XKR4: variants seen among roughly 807,000 people sequenced by gnomAD.
XKR4 encodes the protein XK related 4, also known as XK-related protein 4.
Under a neutral mutation model 53.9 loss-of-function variants are expected in XKR4, and 12 were observed. The observed-to-expected ratio is 0.22, with a 90% CI of 0.14 to 0.36. The LOEUF (loss-of-function observed/expected upper bound fraction) is 0.36, where lower values mean the gene tolerates loss of function less well. XKR4 is among the 10% of genes least tolerant of loss of function. The pLI, the probability that XKR4 is intolerant of heterozygous loss-of-function variation, is 1.00. For missense variants in XKR4, 799 were observed against 859.5 expected (o/e 0.93, Z 0.88); for synonymous variants, 354 against 362.4 (o/e 0.98, Z 0.26).
At chr8:55,360,648 T>C (rs1309059724) in intron 2 of XKR4, among the ~76,000 whole-genome samples, 1 of 152,242 alleles carries the variant, frequency 6.6e-6, no homozygotes, top group South Asian at 2.1e-4. Flanking sequence ...GGTCACTCTG[T>C]ATGTGACTGT....
intron 1 of XKR4, chr8:55,161,458 C>T (rs1816983318): frequency 2.3e-6 from 1 of 443,678 alleles, no homozygotes; most frequent in South Asian, 1.6e-5. Flanking sequence ...AGTCTTTGAG[C>T]ACCTGCTGGG....
At chr8:55,297,970 C>T (rs760520904) in intron 1 of XKR4, among the ~76,000 whole-genome samples, 2 of 152,106 alleles carry the variant, frequency 1.3e-5, no homozygotes, top group African/African-American at 4.8e-5. Flanking sequence ...TTTCATCATC[C>T]AATTATAATA....
At chr8:55,109,590 A>G (rs766559270) in intron 1 of XKR4, among the ~76,000 whole-genome samples, 6 of 140,444 alleles carry the variant, frequency 4.3e-5, no homozygotes, top group Non-Finnish European at 7.6e-5. Flanking sequence ...GGAATAATTT[A>G]TGTATAAATC....
chr8:55,306,052 A>G (rs1012596031), intron 1 of XKR4, among the ~76,000 whole-genome samples: 2 of 152,224 alleles, frequency 1.3e-5, no homozygotes, highest in Non-Finnish European at 1.5e-5. Context: ...TAAGATTTAG[A>G]TGATGCTTGG....
intron 1 of XKR4, among the ~76,000 whole-genome samples, chr8:55,181,220 C>T (rs1817306127): frequency 6.6e-6 from 1 of 152,140 alleles, no homozygotes; most frequent in African/African-American, 2.4e-5. Context: ...TCCAGCTCAT[C>T]CTTTGTGAGA....
At chr8:55,500,181 C>CAAAAAAA (rs36233927) in intron 2 of XKR4, among the ~76,000 whole-genome samples, 32 of 115,582 alleles carry the variant, frequency 2.8e-4, no homozygotes, top group African/African-American at 1.2e-3. Flanking sequence ...CAAATTGGGC[C>CAAAAAAA]AAAAAAAAAA....
At chr8:55,380,126 T>C (rs1221025061) in intron 2 of XKR4, among the ~76,000 whole-genome samples, 1 of 152,228 alleles carries the variant, frequency 6.6e-6, no homozygotes, top group Non-Finnish European at 1.5e-5. Context: ...AATGCTCCAT[T>C]GGTTCTGATG....
At chr8:55,494,671 G>A (rs78403389) in intron 2 of XKR4, among the ~76,000 whole-genome samples, 1,783 of 152,192 alleles carry the variant, frequency 0.012, 30 homozygotes, top group African/African-American at 0.041. Context: ...TCCTATCATC[G>A]TTTCAGTTCT....
At chr8:55,281,223 A>T (rs1818841165) in intron 1 of XKR4, among the ~76,000 whole-genome samples, 1 of 152,232 alleles carries the variant, frequency 6.6e-6, no homozygotes, top group Non-Finnish European at 1.5e-5. Flanking sequence ...ACGTATTTTA[A>T]ATAAATTACT....
At chr8:55,449,192 A>T (rs748978800) in intron 2 of XKR4, among the ~76,000 whole-genome samples, 2 of 145,220 alleles carry the variant, frequency 1.4e-5, no homozygotes, top group Admixed American at 7.2e-5. Flanking sequence ...TTTATTTTGC[A>T]TTCATTCTCT....
At chr8:55,479,210 C>T (rs987815340) in intron 2 of XKR4, among the ~76,000 whole-genome samples, 1 of 152,084 alleles carries the variant, frequency 6.6e-6, no homozygotes. Context: ...TCTCAGACCA[C>T]AGTGCAATCA....
intron 2 of XKR4, among the ~76,000 whole-genome samples, chr8:55,406,907 T>A (rs1172736857): frequency 6.6e-6 from 1 of 152,220 alleles, no homozygotes; most frequent in Non-Finnish European, 1.5e-5. Flanking sequence ...GGAATCATTA[T>A]TAGCTAACAT....
In XKR4 at chr8:55,103,251, C is replaced by G; in HGVS notation, c.763C>G (p.Leu255Val). Reference protein sequence around the residue: ...SASCSFCIWLLQSLIHILQLG... With the variant: ...SASCSFCIWLVQSLIHILQLG... ...GTCCTGCTCCTTCTGCATCTGGCTC[C>G]TGCAGTCACTCATCCACATCTTGCA... Residue 255 changes from leucine (L) to valine (V), a missense_variant, in exon 1 of 3, where the codon CTG becomes GTG. This residue lies in a region of XKR4 where 476 missense variants were observed against 505.4 expected (regional missense o/e 0.94). Transcript: ENST00000327381. The G allele has an allele frequency of 6.2e-7, 1 of 1,613,496 alleles. No individual in the cohort carries two copies. Among genetic ancestry groups the G allele is most frequent in the Non-Finnish European group, 8.5e-7 (1 of 1,179,586 alleles).
intron 1 of XKR4, among the ~76,000 whole-genome samples, chr8:55,244,811 A>G (rs569972766): frequency 6.6e-6 from 1 of 151,764 alleles, no homozygotes; most frequent in African/African-American, 2.4e-5. Flanking sequence ...TTGTCTAATG[A>G]TAGTGATGTT....
intron 2 of XKR4, among the ~76,000 whole-genome samples, chr8:55,376,950 A>AAACT (rs1355410327): frequency 1.4e-5 from 1 of 72,896 alleles, no homozygotes; most frequent in African/African-American, 7.7e-5. Flanking sequence ...ACACAAACAC[A>AAACT]CACTCACACA....
intron 1 of XKR4, among the ~76,000 whole-genome samples, chr8:55,125,869 T>TA (rs1383087712): frequency 1.3e-5 from 2 of 152,218 alleles, no homozygotes; most frequent in African/African-American, 4.8e-5. Flanking sequence ...GCTCAATATC[T>TA]AAAATCTGCC....
intron 1 of XKR4, among the ~76,000 whole-genome samples, chr8:55,348,586 T>C (rs1412980460): frequency 6.6e-6 from 1 of 151,856 alleles, no homozygotes; most frequent in Non-Finnish European, 1.5e-5. Flanking sequence ...GGGGTTACAA[T>C]ATAGGACATG....
chr8:55,260,141 G>A (rs774165567), intron 1 of XKR4, among the ~76,000 whole-genome samples: 1 of 152,234 alleles, frequency 6.6e-6, no homozygotes, highest in Non-Finnish European at 1.5e-5. Context: ...CACAGTGGGC[G>A]CTTAAAGAAT....
chr8:55,405,798 C>T (rs1418476936), intron 2 of XKR4, among the ~76,000 whole-genome samples: 2 of 152,184 alleles, frequency 1.3e-5, no homozygotes, highest in South Asian at 2.1e-4. Flanking sequence ...TTACAATGAT[C>T]ATTTCACTGC....
Sources: allele counts gnomAD v4.1 joint callset (sites outside exome capture counted in the v4.1 genomes callset), GRCh38; gene constraint gnomAD v4.1.1; regional missense constraint gnomAD v4.1.1; transcripts MANE v1.5; gene names NCBI Gene and HGNC (gene_info 2026-07-23, HGNC 2026-07-21).